ANKS1A: variants seen among roughly 807,000 people sequenced by gnomAD.
ANKS1A encodes ankyrin repeat and SAM domain-containing protein 1A.
A neutral mutation model predicts 120.3 loss-of-function variants in ANKS1A; 55 were observed. That is an observed-to-expected ratio of 0.46 (90% CI 0.37 to 0.57). ANKS1A has a LOEUF of 0.57. Ranked by LOEUF, ANKS1A falls within the 20% of genes least tolerant of loss-of-function variation. ANKS1A has a pLI of 0.00. For missense variants in ANKS1A, 1,123 were observed against 1,480.3 expected, an observed-to-expected ratio of 0.76 and a Z score of 3.96; for synonymous variants, 590 against 604.7, an observed-to-expected ratio of 0.98 and a Z score of 0.36.
chr6:35,082,692 A>G lies in ANKS1A; in HGVS notation c.2711A>G (p.Glu904Gly). 1 of 1,608,580 alleles carries G rather than the reference A, an allele frequency of 6.2e-7. No homozygotes were observed. Among genetic ancestry groups the G allele is most frequent in the East Asian group, 2.2e-5 (1 of 44,660 alleles). The change falls in exon 18 of 24, where the codon GAG (glutamate) becomes GGG (glycine). Residue 904 changes from glutamate to glycine, a missense_variant and splice_region_variant. Transcript: ENST00000360359. The surrounding 1 kb of genome is among the most constrained non-coding windows in gnomAD (Gnocchi z 4.1). ...PSRAERFRIQ[E>G]EHREAKLTLR... ...TGTCCAATTGCGTGTGTTTCGCAGG[A>G]GGAGCACCGTGAGGCCAAGCTGACC...
intron 10 of ANKS1A, chr6:35,009,903 A>AAAG (rs1773662355): frequency 2.3e-4 from 2 of 8,556 alleles, no homozygotes; most frequent in African/African-American, 5.6e-4. Flanking sequence ...GACTCTGTCT[A>AAAG]AAAAAAAAAA....
At chr6:35,021,046 G>A (rs993673444) in intron 11 of ANKS1A, among the ~76,000 whole-genome samples, 2 of 152,188 alleles carry the variant, frequency 1.3e-5, no homozygotes, top group African/African-American at 4.8e-5. Context: ...TAGTGATACT[G>A]TACTTGGTTT....
In ANKS1A at chr6:35,088,810, C is replaced by T. The variant is rs1199881445; in HGVS notation, c.*201C>T. On this transcript the variant is annotated 3_prime_UTR_variant, in exon 24 of 24. Transcript: ENST00000360359. Reference sequence around the variant, plus strand: ...GCCCTGCCTTGGCTGTGGAGAAGCACTCCAGGCCGCTAGCAGATGGGACTG... The same window carrying T: ...GCCCTGCCTTGGCTGTGGAGAAGCATTCCAGGCCGCTAGCAGATGGGACTG... 6.7e-7 allele frequency: 1 copy of T among 1,488,806 alleles called. No homozygotes were observed. Among genetic ancestry groups the T allele is most frequent in the African/African-American group, 1.4e-5 (1 of 71,954 alleles). The allele number at this position is 1,488,806 out of a possible 1,614,324, so 92.2% of individuals were successfully genotyped here. A position where few individuals can be genotyped will look rare whatever the true frequency, so the allele number is the denominator to read the frequency against.
At chr6:34,952,935 C>G (rs1770156924) in intron 1 of ANKS1A, among the ~76,000 whole-genome samples, 1 of 152,270 alleles carries the variant, frequency 6.6e-6, no homozygotes, top group East Asian at 1.9e-4. Context: ...GTCTCGAACT[C>G]CTGACCTCAG....
At position 35,090,191 on chromosome 6, in the gene ANKS1A, C is replaced by T. The variant is rs955856479; in HGVS notation, c.*1582C>T. On this transcript the variant is annotated 3_prime_UTR_variant, in exon 24 of 24. Coordinates refer to ENST00000360359, the MANE Select transcript of ANKS1A (RefSeq NM_015245.3). ...TCTTGGTACTAAACGAAGATCTCGA[C>T]ACCTTGCAGTTTTACTTCATTTCCT... The T allele has an allele frequency of 1.6e-6, 2 of 1,289,366 alleles. No homozygotes were observed. Among genetic ancestry groups the T allele is most frequent in the East Asian group, 5.5e-5 (1 of 18,042 alleles). 79.9% of individuals were successfully genotyped at this position (1,289,366 alleles called of 1,614,324 possible). A position where few individuals can be genotyped will look rare whatever the true frequency, so the allele number is the denominator to read the frequency against.
intron 10 of ANKS1A, among the ~76,000 whole-genome samples, chr6:35,004,699 G>C (rs1242182072): frequency 1.3e-5 from 2 of 151,772 alleles, no homozygotes; most frequent in Non-Finnish European, 2.9e-5. Flanking sequence ...AGGCTTACTT[G>C]AAGCCAGGGG....
At chr6:35,067,653 GA>G (rs926102602) in intron 13 of ANKS1A, among the ~76,000 whole-genome samples, 1 of 151,400 alleles carries the variant, frequency 6.6e-6, no homozygotes, top group Admixed American at 6.6e-5. Flanking sequence ...AAGTGGTGGG[GA>G]AAAAAAAGAA....
At chr6:34,907,412 T>A (rs1455588165) in intron 1 of ANKS1A, among the ~76,000 whole-genome samples, 1 of 152,190 alleles carries the variant, frequency 6.6e-6, no homozygotes, top group East Asian at 1.9e-4. Context: ...AAAATCCTTG[T>A]ATACTCAAGT....
chr6:35,026,737 A>G (rs1369811715), intron 11 of ANKS1A, among the ~76,000 whole-genome samples: 1 of 151,998 alleles, frequency 6.6e-6, no homozygotes, highest in Non-Finnish European at 1.5e-5. Context: ...TTAAAATCCT[A>G]CCCTACACTT....
At chr6:35,010,738 G>A (rs982956860) in intron 10 of ANKS1A, among the ~76,000 whole-genome samples, 4 of 152,126 alleles carry the variant, frequency 2.6e-5, no homozygotes, top group Admixed American at 6.5e-5. Flanking sequence ...AAGCCTAAAT[G>A]GGGTCTAATT....
At chr6:34,994,636 T>C (rs1457666571) in intron 10 of ANKS1A, among the ~76,000 whole-genome samples, 1 of 152,162 alleles carries the variant, frequency 6.6e-6, no homozygotes. Context: ...ACCTTCAGTA[T>C]GCGAAGCAAG....
intron 10 of ANKS1A, chr6:35,005,968 C>G (rs1472644135): frequency 1.1e-5 from 3 of 272,128 alleles, no homozygotes; most frequent in African/African-American, 4.7e-5. Flanking sequence ...GCAGGCAGAT[C>G]ACAAGGACAA....
chr6:34,965,871 C>G (rs779327958), intron 1 of ANKS1A, among the ~76,000 whole-genome samples: 2 of 151,872 alleles, frequency 1.3e-5, no homozygotes, highest in Non-Finnish European at 2.9e-5. Flanking sequence ...CTCATCCTCC[C>G]GAGTAGCTGG....
At chr6:35,023,522 G>T in intron 11 of ANKS1A, 1 of 343,224 alleles carries the variant, frequency 2.9e-6, no homozygotes. Flanking sequence ...GTAGAGTCAT[G>T]GCGGGACCAG....
At chr6:35,073,716 A>C (rs565952456) in intron 13 of ANKS1A, among the ~76,000 whole-genome samples, 59 of 152,352 alleles carry the variant, frequency 3.9e-4, no homozygotes, top group South Asian at 2.1e-3. Flanking sequence ...GCCATGTAGT[A>C]AGTACTCAGT....
chr6:35,088,925 G>A lies in ANKS1A; in HGVS notation c.*316G>A. On this transcript the variant is annotated 3_prime_UTR_variant, in exon 24 of 24. Transcript: ENST00000360359. ...TTTATAAAATGAACTTTTAACACTT[G>A]GCTCAAACCTCTAGGTCATACTGCC... 7.5e-7 allele frequency: 1 copy of A among 1,336,900 alleles called. No homozygotes were observed. Among genetic ancestry groups the A allele is most frequent in the East Asian group, 3.1e-5 (1 of 31,796 alleles). The allele number at this position is 1,336,900 out of a possible 1,614,324, so 82.8% of individuals were successfully genotyped here.
At chr6:34,995,460 G>T (rs1772800973) in intron 10 of ANKS1A, among the ~76,000 whole-genome samples, 2 of 151,778 alleles carry the variant, frequency 1.3e-5, no homozygotes, top group South Asian at 4.1e-4. Context: ...ATCCTTTTTG[G>T]TGTGTAGTTC....
intron 10 of ANKS1A, among the ~76,000 whole-genome samples, chr6:35,011,014 A>G (rs940198918): frequency 6.6e-6 from 1 of 152,196 alleles, no homozygotes. Context: ...CACTTACTGG[A>G]TGGTGACTAT....
chr6:34,937,840 T>C (rs1366785873), intron 1 of ANKS1A, among the ~76,000 whole-genome samples: 2 of 152,248 alleles, frequency 1.3e-5, no homozygotes, highest in African/African-American at 4.8e-5. Flanking sequence ...ACAGTGTCTA[T>C]AGTGGGAAAA....
Sources: gnomAD v4.1 joint callset for allele counts (sites outside exome capture counted in the v4.1 genomes callset) on GRCh38, gnomAD v4.1.1 for gene constraint, Gnocchi (gnomAD v3.1) non-coding constraint, MANE v1.5 for transcripts, NCBI Gene and HGNC (gene_info 2026-07-23, HGNC 2026-07-21) for gene names.